The following DEF6 variants were observed in gnomAD, a reference collection of about 807,000 sequenced individuals.
DEF6 encodes the protein DEF6 guanine nucleotide exchange factor, also known as differentially expressed in FDCP 6 homolog.
Under a neutral mutation model 80.5 loss-of-function variants are expected in DEF6, and 32 were observed. The ratio of observed to expected loss-of-function variants is 0.40; its 90% CI spans 0.30 to 0.53. The LOEUF is 0.53. Ranked by LOEUF, DEF6 falls within the 20% of genes least tolerant of loss-of-function variation. The probability of loss-of-function intolerance (pLI) is 0.57; values close to 1 mark genes in which losing one functional copy is unlikely to be tolerated. For synonymous variants in DEF6, 300 were observed against 337.9 expected, an observed-to-expected ratio of 0.89 and a Z score of 1.23; for missense variants, 575 against 818.7, an observed-to-expected ratio of 0.70 and a Z score of 3.63.
chr6:35,317,739 C>A, intron 5 of DEF6, 152 bp from the exon 6 acceptor site: 20 of 579,236 alleles, frequency 3.5e-5, no homozygotes, highest in Middle Eastern at 4.6e-4. Flanking sequence ...TCCCCCATAA[C>A]TTATGATGCA....
intron 3 of DEF6, 114 bp downstream of exon 3, chr6:35,310,758 C>A: frequency 9.2e-7 from 1 of 1,086,298 alleles, no homozygotes; most frequent in Non-Finnish European, 1.4e-6. Context: ...CTTTCTTTAC[C>A]ATCTTCCCAT....
Position 35,321,321 on chromosome 6 carries a change from C to T in DEF6, c.1807C>T (p.Gln603Ter). 6.2e-7 allele frequency: 1 copy of T among 1,614,126 alleles called. No individual in the cohort carries two copies. Among genetic ancestry groups the T allele is most frequent in the Non-Finnish European group, 8.5e-7 (1 of 1,180,020 alleles). ...NRTPSPNSNE[Q>*]QKSLNGGDEA... ...GACCCCCTCGCCCAACAGCAATGAG[C>T]AGCAGAAGTCCCTCAATGGTGGGGA... The change falls in exon 11 of 11, where the codon CAG becomes TAG. Residue 603 changes from glutamine to a stop codon, truncating the protein, a stop_gained. Transcript: ENST00000316637. LOFTEE classifies it high-confidence loss of function.
At position 35,312,142 on chromosome 6, in the gene DEF6, C is replaced by CT. The variant is rs1005540403; in HGVS notation, c.424-156dup. Among the ~76,000 whole-genome samples the CT allele has an allele frequency of 6.6e-6, 1 of 152,126 alleles. No homozygotes were observed. Among genetic ancestry groups the CT allele is most frequent in the Non-Finnish European group, 1.5e-5 (1 of 68,012 alleles). On this transcript the variant is annotated intron_variant, in intron 3 of 10. Coordinates refer to ENST00000316637, the MANE Select transcript of DEF6 (RefSeq NM_022047.4). The surrounding 1 kb of genome is among the most constrained non-coding windows in gnomAD (Gnocchi z 6.6). ...GGGGCTCCAGGATCCTCTCCCAGGT[C>CT]TTTTCCCTGGCTCCATAACATTCGG... is the stretch of plus-strand genomic sequence containing the variant.
At chr6:35,303,713 C>G (rs1423370063) in intron 1 of DEF6, among the ~76,000 whole-genome samples, 1 of 152,144 alleles carries the variant, frequency 6.6e-6, no homozygotes, top group Non-Finnish European at 1.5e-5. Flanking sequence ...ATAAGGTGAT[C>G]AGGCCGGGCA....
chr6:35,297,958 GGGCACCC>G lies in DEF6; in HGVS notation c.96+9_96+15del. The G allele has an allele frequency of 6.3e-7, 1 of 1,589,948 alleles. No individual in the cohort carries two copies. Among genetic ancestry groups the G allele is most frequent in the Non-Finnish European group, 8.6e-7 (1 of 1,169,298 alleles). On this transcript the variant is annotated splice_region_variant and intron_variant, in intron 1 of 10. Coordinates refer to ENST00000316637, the MANE Select transcript of DEF6 (RefSeq NM_022047.4). The stretch of plus-strand genomic sequence containing the variant: ...TCTCCAAGTCCCAGCTCAAGGTGAG[GGGCACCC>G]GGGACCCGGGGGAGGACGGCAGATG...
At chr6:35,299,594 G>A (rs985862087) in intron 1 of DEF6, among the ~76,000 whole-genome samples, 12 of 152,282 alleles carry the variant, frequency 7.9e-5, no homozygotes, top group Admixed American at 3.9e-4. Flanking sequence ...CACAGGTTGC[G>A]TATTTCTAGG....
At chr6:35,304,626 T>C (rs1582227670) in intron 1 of DEF6, among the ~76,000 whole-genome samples, 1 of 152,180 alleles carries the variant, frequency 6.6e-6, no homozygotes, top group East Asian at 1.9e-4. Flanking sequence ...CTCGAACTTT[T>C]ACTCTGAAAA....
intron 1 of DEF6, among the ~76,000 whole-genome samples, chr6:35,307,398 CA>C (rs1417526903): frequency 6.6e-6 from 1 of 152,044 alleles, no homozygotes; most frequent in Non-Finnish European, 1.5e-5. Context: ...GAACGCGTCT[CA>C]AAAAAAGATA....
At position 35,319,893 on chromosome 6, in the gene DEF6, G is replaced by A. The variant is rs865793540; in HGVS notation, c.1457G>A (p.Arg486Gln). 8 of 1,576,614 alleles carry A rather than the reference G, an allele frequency of 5.1e-6. No individual in the cohort carries two copies. The highest frequency in any genetic ancestry group is 2.3e-5 in the East Asian group (1 of 43,002). ...GAGGAGCAGGAGCGCTACATCGAAC[G>A]GGCGCAGCAGGAGAAGGAAGAGCTG... ...LKEEQERYIERAQQEKEELQQ... is the reference protein window; with the variant it reads ...LKEEQERYIEQAQQEKEELQQ... Residue 486 changes from arginine (R) to glutamine (Q), a missense_variant, in exon 9 of 11, where the codon CGG (arginine) becomes CAG (glutamine). By Grantham distance (43) the Arg-to-Gln change is conservative. Coordinates refer to ENST00000316637, the MANE Select transcript of DEF6 (RefSeq NM_022047.4). This position sits in a 1 kb window ranked among gnomAD's most constrained non-coding sequence, Gnocchi z 4.5.
intron 1 of DEF6, among the ~76,000 whole-genome samples, chr6:35,305,718 G>C (rs191426857): frequency 6.6e-6 from 1 of 151,144 alleles, no homozygotes; most frequent in African/African-American, 2.4e-5. Flanking sequence ...GATTACAGCC[G>C]CCTGCCATCA....
At chr6:35,313,036 T>TG (rs1217093965) in intron 5 of DEF6, among the ~76,000 whole-genome samples, 1 of 152,216 alleles carries the variant, frequency 6.6e-6, no homozygotes, top group African/African-American at 2.4e-5. Context: ...AGGAAGTGGC[T>TG]TATATCTATA....
Position 35,318,118 on chromosome 6 carries a change from GC to G in DEF6, c.917-51del. Reference sequence around the variant, plus strand: ...AGAGTGGACTCGGGAAACTCCTAAGGCCCCTTTCGGGCCGTGTGCGAGGATC... The same window carrying G: ...AGAGTGGACTCGGGAAACTCCTAAGGCCCTTTCGGGCCGTGTGCGAGGATC... On this transcript the variant is annotated intron_variant, in intron 6 of 10. Transcript: ENST00000316637. This position sits in a 1 kb window ranked among gnomAD's most constrained non-coding sequence, Gnocchi z 5.1. 3.3e-6 allele frequency: 5 copies of G among 1,535,862 alleles called. No homozygotes were observed. The highest frequency in any genetic ancestry group is 4.4e-6 in the Non-Finnish European group (5 of 1,142,282).
chr6:35,314,017 A>C (rs1791496634), intron 5 of DEF6, among the ~76,000 whole-genome samples: 1 of 152,222 alleles, frequency 6.6e-6, no homozygotes, highest in South Asian at 2.1e-4. Flanking sequence ...AGGAACCTTC[A>C]TACAGTTTTC....
Position 35,319,472 on chromosome 6 carries a change from C to T in DEF6, c.1216-52C>T. ...ATGCCCACCCCCTCCTCCTCCGCCC[C>T]CACGTGCCCCTTTTGACCTGGCTCT... On this transcript the variant is annotated intron_variant, in intron 7 of 10. Transcript: ENST00000316637. This position sits in a 1 kb window ranked among gnomAD's most constrained non-coding sequence, Gnocchi z 4.5. The T allele has an allele frequency of 6.7e-7, 1 of 1,495,574 alleles. No individual in the cohort carries two copies. Among genetic ancestry groups the T allele is most frequent in the Non-Finnish European group, 9.1e-7 (1 of 1,098,916 alleles). The allele number at this position is 1,495,574 out of a possible 1,614,324, so 92.6% of individuals were successfully genotyped here. A position where few individuals can be genotyped will look rare whatever the true frequency, so the allele number is the denominator to read the frequency against.
chr6:35,317,904 G>A lies in DEF6; in HGVS notation c.821G>A (p.Arg274His), dbSNP rs1213162563. The part of the protein sequence containing the change: ...AHCCVEVLPD[R>H]DGKRCMFCVK... ...ACCCTGTGCCAGGTGCTGCCAGACC[G>A]CGACGGAAAGCGCTGCATGTTCTGT... The change falls in exon 6 of 11, where the codon CGC becomes CAC. Residue 274 changes from arginine to histidine, a missense_variant. Arg to His is a conservative substitution (Grantham distance 29). Transcript: ENST00000316637. 1 of 1,613,632 alleles carries A rather than the reference G, an allele frequency of 6.2e-7. No homozygotes were observed. Among genetic ancestry groups the A allele is most frequent in the African/African-American group, 1.3e-5 (1 of 75,054 alleles).
intron 9 of DEF6, among the ~76,000 whole-genome samples, chr6:35,320,264 G>A (rs1025760129): frequency 2.6e-5 from 4 of 152,212 alleles, no homozygotes; most frequent in Non-Finnish European, 5.9e-5. Context: ...AACATTTGCT[G>A]CTATCTTTGT....
Position 35,318,431 on chromosome 6 carries a change from T to G in DEF6, c.1175T>G (p.Leu392Arg), listed in dbSNP as rs1791549027. ...CGGCGCCGCAGCCAGCACCGCGAGCTGCAGCAGGCGCTCGAGGGCCAACTG... is the reference window on the plus strand; with the variant it reads ...CGGCGCCGCAGCCAGCACCGCGAGCGGCAGCAGGCGCTCGAGGGCCAACTG... ...EERRRSQHRE[L>R]QQALEGQLRE... Residue 392 changes from leucine (L) to arginine (R), a missense_variant, in exon 7 of 11, where the codon CTG (leucine) becomes CGG (arginine). Transcript: ENST00000316637. This position sits in a 1 kb window ranked among gnomAD's most constrained non-coding sequence, Gnocchi z 5.1. 6.7e-7 allele frequency: 1 copy of G among 1,497,980 alleles called. No homozygotes were observed. Among genetic ancestry groups the G allele is most frequent in the South Asian group, 1.2e-5 (1 of 80,146 alleles). The allele number at this position is 1,497,980 out of a possible 1,614,324, so 92.8% of individuals were successfully genotyped here.
Position 35,312,715 on chromosome 6 carries a change from TG to T in DEF6, c.751del (p.Glu251LysfsTer33). The T allele has an allele frequency of 6.2e-7, 1 of 1,612,336 alleles. No individual in the cohort carries two copies. Among genetic ancestry groups the T allele is most frequent in the Non-Finnish European group, 8.5e-7 (1 of 1,179,534 alleles). Reference protein sequence around the residue: ...QPSCLCYFGSEECKEKRGIIP... With the variant: ...QPSCLCYFGSXECKEKRGIIP... ...CCAGCTGCCTCTGCTACTTTGGGAGTGAAGAGTGCAAAGAGAAAAGGGGCAT... is the reference window on the plus strand; with the variant it reads ...CCAGCTGCCTCTGCTACTTTGGGAGTAAGAGTGCAAAGAGAAAAGGGGCAT... On this transcript the variant is annotated frameshift_variant, in exon 5 of 11. Coordinates refer to ENST00000316637, the MANE Select transcript of DEF6 (RefSeq NM_022047.4). LOFTEE classifies it high-confidence loss of function. This position sits in a 1 kb window ranked among gnomAD's most constrained non-coding sequence, Gnocchi z 6.6.
intron 5 of DEF6, among the ~76,000 whole-genome samples, chr6:35,316,613 T>A (rs549765639): frequency 1.3e-5 from 2 of 152,220 alleles, no homozygotes; most frequent in African/African-American, 4.8e-5. Context: ...TATAACACGA[T>A]GTTGAATTTT....
Sources: gnomAD v4.1 joint callset for allele counts (sites outside exome capture counted in the v4.1 genomes callset) on GRCh38, gnomAD v4.1.1 for gene constraint, Gnocchi (gnomAD v3.1) non-coding constraint, MANE v1.5 for transcripts, NCBI Gene and HGNC (gene_info 2026-07-23, HGNC 2026-07-21) for gene names.